The following CAPZB variants were observed in gnomAD, a reference collection of about 807,000 sequenced individuals.
The protein encoded by CAPZB is capping actin protein of muscle Z-line subunit beta, also known as F-actin-capping protein subunit beta.
In CAPZB, 2 loss-of-function variants were observed where a neutral mutation model predicts 38.1. The ratio of observed to expected loss-of-function variants is 0.05; its 90% CI spans 0.02 to 0.17. The LOEUF (loss-of-function observed/expected upper bound fraction) is 0.17. Ranked by LOEUF, CAPZB falls within the 10% of genes least tolerant of loss-of-function variation. CAPZB has a pLI of 1.00. For missense variants in CAPZB, 161 were observed against 334.2 expected (o/e 0.48, Z 4.04); for synonymous variants, 107 against 127.4 (o/e 0.84, Z 1.08).
chr1:19,376,576 T>C (rs1018710611), intron 4 of CAPZB, among the ~76,000 whole-genome samples: 1 of 152,208 alleles, frequency 6.6e-6, no homozygotes, highest in Admixed American at 6.5e-5. Flanking sequence ...CCAGCCCCCC[T>C]GCCTGGCTGG....
intron 4 of CAPZB, among the ~76,000 whole-genome samples, chr1:19,368,465 T>A (rs1453584424): frequency 1.5e-5 from 2 of 133,094 alleles, no homozygotes; most frequent in African/African-American, 5.8e-5. Flanking sequence ...GGCAACAGAG[T>A]GAGAGCCCCC....
At chr1:19,386,412 G>A in intron 2 of CAPZB, among the ~76,000 whole-genome samples, 1 of 152,200 alleles carries the variant, frequency 6.6e-6, no homozygotes, top group Admixed American at 6.5e-5. Flanking sequence ...GATTCCTTCA[G>A]GCCTGAGTCA....
intron 3 of CAPZB, among the ~76,000 whole-genome samples, chr1:19,383,446 C>CA (rs528617668): frequency 0.37 from 43,637 of 117,578 alleles, 8,082 homozygotes; most frequent in East Asian, 0.48. Flanking sequence ...GACTCTGTCT[C>CA]AAAAAAAAAA....
At chr1:19,401,853 G>T (rs1164688965) in intron 2 of CAPZB, among the ~76,000 whole-genome samples, 1 of 152,184 alleles carries the variant, frequency 6.6e-6, no homozygotes, top group Non-Finnish European at 1.5e-5. Flanking sequence ...ACCCAGAGGG[G>T]ACATCTGCTT....
chr1:19,471,852 C>T (rs111381400), intron 1 of CAPZB, among the ~76,000 whole-genome samples: 1,195 of 116,030 alleles, frequency 0.01, 17 homozygotes, highest in Non-Finnish European at 0.011. Context: ...GGAGACAAAG[C>T]GAGACTCCGT....
chr1:19,360,789 G>A (rs537215797), intron 4 of CAPZB, among the ~76,000 whole-genome samples: 4 of 152,284 alleles, frequency 2.6e-5, no homozygotes, highest in Non-Finnish European at 4.4e-5. Context: ...GGCGGGCCAC[G>A]GTGACCAGGT....
intron 3 of CAPZB, among the ~76,000 whole-genome samples, chr1:19,379,122 A>C: frequency 7.2e-6 from 1 of 138,742 alleles, no homozygotes. Flanking sequence ...TTTTTAAGAC[A>C]GAGTCTAGCT....
At chr1:19,471,596 G>A (rs890048013) in intron 1 of CAPZB, among the ~76,000 whole-genome samples, 2 of 148,312 alleles carry the variant, frequency 1.3e-5, no homozygotes, top group Admixed American at 1.3e-4. Flanking sequence ...TGGGCGCTGT[G>A]GCTCACACCT....
At chr1:19,353,799 C>T (rs2094004844) in intron 6 of CAPZB, among the ~76,000 whole-genome samples, 1 of 152,252 alleles carries the variant, frequency 6.6e-6, no homozygotes, top group African/African-American at 2.4e-5. Context: ...AAGACAAAGG[C>T]ACACCTGCGG....
intron 6 of CAPZB, among the ~76,000 whole-genome samples, chr1:19,354,655 G>A (rs1026444378): frequency 1.3e-5 from 2 of 152,376 alleles, no homozygotes; most frequent in African/African-American, 2.4e-5. Context: ...CACTGCTCAC[G>A]GCAAGCCGGA....
At chr1:19,388,180 T>C (rs767057853) in intron 2 of CAPZB, among the ~76,000 whole-genome samples, 1 of 152,202 alleles carries the variant, frequency 6.6e-6, no homozygotes, top group African/African-American at 2.4e-5. Context: ...ATCCAAGAGA[T>C]TCATCTATGA....
At chr1:19,345,063 G>T in intron 7 of CAPZB, 124 bp downstream of exon 7, 1 of 764,506 alleles carries the variant, frequency 1.3e-6, no homozygotes, top group Non-Finnish European at 2.2e-6. Flanking sequence ...TCCAAGAAGC[G>T]CTCTGCCGGC....
intron 4 of CAPZB, among the ~76,000 whole-genome samples, chr1:19,360,567 G>A (rs902946939): frequency 4.6e-5 from 7 of 152,216 alleles, no homozygotes; most frequent in African/African-American, 9.6e-5. Flanking sequence ...GAGAAATCCC[G>A]ATGGCCTGAC....
At chr1:19,402,014 C>G (rs568061993) in intron 2 of CAPZB, among the ~76,000 whole-genome samples, 2 of 152,162 alleles carry the variant, frequency 1.3e-5, no homozygotes, top group Non-Finnish European at 2.9e-5. Flanking sequence ...TACCCTATGC[C>G]CCCAGCAGTT....
rs545030298 is a variant in CAPZB, at chr1:19,358,213, C to T, written c.330-650G>A. Among the ~76,000 whole-genome samples, 52 of 152,374 alleles carry T rather than the reference C, an allele frequency of 3.4e-4. No homozygotes were observed. The South Asian group carries it at 0.011, about 32-fold the overall frequency. On this transcript the variant is annotated intron_variant, in intron 4 of 8. Transcript: ENST00000264202. ...AGTGCAGTGGCACCATCTCGGCTCA[C>T]TGCAACCTCCGCCTCCCAGGTTCAA...
chr1:19,478,266 G>C (rs548266775), intron 1 of CAPZB, among the ~76,000 whole-genome samples: 1 of 152,304 alleles, frequency 6.6e-6, no homozygotes, highest in Non-Finnish European at 1.5e-5. Flanking sequence ...CTGCCTTCCA[G>C]GCTGGTTGGG....
At chr1:19,364,857 C>G (rs1202964854) in intron 4 of CAPZB, among the ~76,000 whole-genome samples, 2 of 150,038 alleles carry the variant, frequency 1.3e-5, no homozygotes, top group East Asian at 1.9e-4. Context: ...TTTTTTCTCT[C>G]TTTTTTTGAG....
At chr1:19,345,880 G>C (rs2093957848) in intron 6 of CAPZB, among the ~76,000 whole-genome samples, 1 of 152,216 alleles carries the variant, frequency 6.6e-6, no homozygotes, top group Non-Finnish European at 1.5e-5. Flanking sequence ...ACTCTGCGAG[G>C]AGAGTTTGAG....
At chr1:19,369,848 T>C (rs1479741386) in intron 4 of CAPZB, among the ~76,000 whole-genome samples, 2 of 152,152 alleles carry the variant, frequency 1.3e-5, no homozygotes, top group Admixed American at 6.5e-5. Flanking sequence ...CACCTCCCAG[T>C]GGGGCTCTGA....
Sources: allele counts gnomAD v4.1 joint callset (sites outside exome capture counted in the v4.1 genomes callset), GRCh38; gene constraint gnomAD v4.1.1; transcripts MANE v1.5; gene names NCBI Gene and HGNC (gene_info 2026-07-23, HGNC 2026-07-21).